The following SCARA3 variants were observed in gnomAD, a reference collection of about 807,000 sequenced individuals.
SCARA3 encodes the protein scavenger receptor class A member 3.
In SCARA3, 39 loss-of-function variants were observed where a neutral mutation model predicts 47.0. The observed-to-expected ratio is 0.83, with a 90% CI of 0.64 to 1.08. The LOEUF is 1.08. Ranked by LOEUF, SCARA3 falls within the 50% of genes least tolerant of loss-of-function variation. The pLI is 0.00. For synonymous variants in SCARA3, 356 were observed against 334.1 expected (o/e 1.07, Z -0.71); for missense variants, 724 against 792.3 (o/e 0.91, Z 1.04).
Position 27,671,044 on chromosome 8 carries a change from G to A in SCARA3, c.1514G>A (p.Gly505Glu). 1 of 1,612,662 alleles carries A rather than the reference G, an allele frequency of 6.2e-7. No homozygotes were observed. Among genetic ancestry groups the A allele is most frequent in the Non-Finnish European group, 8.5e-7 (1 of 1,179,708 alleles). The change falls in exon 6 of 6, where the codon GGG (glycine) becomes GAG (glutamate). Residue 505 changes from glycine (G) to glutamate (E), a missense_variant. Gly to Glu is a moderately conservative substitution (Grantham distance 98). Coordinates refer to ENST00000301904, the MANE Select transcript of SCARA3 (RefSeq NM_016240.3). The part of the protein sequence containing the change: ...QGPQGQPGEA[G>E]PVGERGPVGP... The stretch of plus-strand genomic sequence containing the variant: ...CCTCAGGGGCAACCTGGAGAGGCCG[G>A]GCCTGTGGGAGAAAGGGGCCCTGTT...
intron 5 of SCARA3, among the ~76,000 whole-genome samples, chr8:27,660,654 A>AGATAGATC (rs60638219): frequency 0.13 from 19,229 of 149,828 alleles, 1,692 homozygotes; most frequent in Non-Finnish European, 0.18. Context: ...ATAGATAGAT[A>AGATAGATC]GATCTAGAGA....
chr8:27,681,060 G>C (rs897937078), downstream of SCARA3, among the ~76,000 whole-genome samples: 16 of 152,084 alleles, frequency 1.1e-4, no homozygotes, highest in Non-Finnish European at 1.5e-4. Flanking sequence ...AAGACCAAAT[G>C]CTTTCTCTCC....
the SCARA3 span, among the ~76,000 whole-genome samples, chr8:27,716,557 T>G: frequency 6.6e-6 from 1 of 152,020 alleles, no homozygotes; most frequent in African/African-American, 2.4e-5. Flanking sequence ...AAATAGGAAA[T>G]CTAATCTAAG....
At chr8:27,715,864 A>G in the SCARA3 span, among the ~76,000 whole-genome samples, 1 of 91,168 alleles carries the variant, frequency 1.1e-5, no homozygotes, top group African/African-American at 4.7e-5. The surrounding 1 kb of genome is among the most constrained non-coding windows in gnomAD (Gnocchi z 4.2). Flanking sequence ...ATAGATAGAT[A>G]CATAGATAGA....
At chr8:27,701,467 C>T in the SCARA3 span, 1 of 152,058 alleles carries the variant, frequency 6.6e-6, no homozygotes, top group Non-Finnish European at 1.5e-5. Context: ...CGTAGCTCCC[C>T]ATTGAACACA....
the SCARA3 span, among the ~76,000 whole-genome samples, chr8:27,688,885 C>T: frequency 2.6e-5 from 4 of 152,138 alleles, no homozygotes; most frequent in Non-Finnish European, 5.9e-5. Context: ...GAAGGTTACA[C>T]AGGTATTGGC....
chr8:27,699,573 C>T, the SCARA3 span, among the ~76,000 whole-genome samples: 1 of 152,088 alleles, frequency 6.6e-6, no homozygotes, highest in Non-Finnish European at 1.5e-5. Flanking sequence ...TGCAAAGGAT[C>T]TAGAAAATCC....
chr8:27,687,166 C>T, the SCARA3 span, among the ~76,000 whole-genome samples: 3 of 152,146 alleles, frequency 2.0e-5, no homozygotes, highest in Non-Finnish European at 4.4e-5. Context: ...AGTGTCCACT[C>T]CCAGAATTTT....
At chr8:27,680,805 G>C (rs1367454215), downstream of SCARA3, among the ~76,000 whole-genome samples, 3 of 152,144 alleles carry the variant, frequency 2.0e-5, no homozygotes, top group Non-Finnish European at 2.9e-5. Flanking sequence ...CCATGGCTAA[G>C]TGGGGCTTAC....
At chr8:27,715,150 T>C in the SCARA3 span, among the ~76,000 whole-genome samples, 2 of 152,080 alleles carry the variant, frequency 1.3e-5, no homozygotes, top group African/African-American at 2.4e-5. The surrounding 1 kb of genome is among the most constrained non-coding windows in gnomAD (Gnocchi z 4.2). Context: ...GATGTCAAAC[T>C]CCCGGCCTGA....
rs1311725614 is a variant in SCARA3, at chr8:27,671,041, C to G, written c.1511C>G (p.Ala504Gly). ...GGTCCTCAGGGGCAACCTGGAGAGG[C>G]CGGGCCTGTGGGAGAAAGGGGCCCT... ...PQGPQGQPGE[A>G]GPVGERGPVG... The change falls in exon 6 of 6, where the codon GCC becomes GGC. Residue 504 changes from alanine (A) to glycine (G), a missense_variant. By Grantham distance (60) the Ala-to-Gly change is moderately conservative (BLOSUM62 0). Coordinates refer to ENST00000301904, the MANE Select transcript of SCARA3 (RefSeq NM_016240.3). 6.2e-7 allele frequency: 1 copy of G among 1,612,578 alleles called. No individual in the cohort carries two copies. Among genetic ancestry groups the G allele is most frequent in the East Asian group, 2.2e-5 (1 of 44,842 alleles).
the SCARA3 span, among the ~76,000 whole-genome samples, chr8:27,709,908 G>A: frequency 2.2e-4 from 33 of 152,120 alleles, no homozygotes; most frequent in Admixed American, 9.8e-4. Context: ...CAGCTGTCAG[G>A]ATCCCCAGGT....
At chr8:27,718,048 C>T in the SCARA3 span, among the ~76,000 whole-genome samples, 6 of 152,342 alleles carry the variant, frequency 3.9e-5, no homozygotes, top group Non-Finnish European at 5.9e-5. Flanking sequence ...AGTCCGCACA[C>T]GCATGGCCTT....
the SCARA3 span, among the ~76,000 whole-genome samples, chr8:27,700,612 TAAA>T: frequency 2.0e-5 from 3 of 146,792 alleles, no homozygotes; most frequent in Admixed American, 6.7e-5. Context: ...ACCTCAAAAA[TAAA>T]AAAAAAAAAA....
intron 5 of SCARA3, among the ~76,000 whole-genome samples, chr8:27,663,603 G>A (rs938220115): frequency 2.0e-4 from 30 of 152,324 alleles, no homozygotes; most frequent in African/African-American, 7.2e-4. Flanking sequence ...GTTGCCCATG[G>A]TTAAGTGTTT....
chr8:27,719,183 G>C, the SCARA3 span, among the ~76,000 whole-genome samples: 4 of 152,138 alleles, frequency 2.6e-5, no homozygotes, highest in Non-Finnish European at 5.9e-5. Context: ...AGGTAAGAAT[G>C]GAATATTACA....
intron 5 of SCARA3, among the ~76,000 whole-genome samples, chr8:27,667,911 T>G (rs1585296047): frequency 2.6e-5 from 4 of 152,124 alleles, no homozygotes; most frequent in Admixed American, 2.6e-4. Flanking sequence ...CCACTCTATC[T>G]TCTCCCGGCC....
the SCARA3 span, among the ~76,000 whole-genome samples, chr8:27,720,778 C>A: frequency 6.6e-6 from 1 of 151,462 alleles, no homozygotes; most frequent in Non-Finnish European, 1.5e-5. Context: ...CCACCCACCC[C>A]TCTATTCATC....
At chr8:27,687,622 G>T in the SCARA3 span, among the ~76,000 whole-genome samples, 3 of 152,048 alleles carry the variant, frequency 2.0e-5, no homozygotes, top group African/African-American at 7.2e-5. Context: ...TGAACTGGAG[G>T]TCTTATAAAT....
Sources: allele counts gnomAD v4.1 joint callset (sites outside exome capture counted in the v4.1 genomes callset), GRCh38; gene constraint gnomAD v4.1.1; non-coding constraint Gnocchi (gnomAD v3.1); transcripts MANE v1.5; gene names NCBI Gene and HGNC (gene_info 2026-07-23, HGNC 2026-07-21).